The following URB1 variants were observed in gnomAD, a reference collection of about 807,000 sequenced individuals.
URB1 encodes the protein nucleolar pre-ribosomal-associated protein 1.
In URB1, 197 loss-of-function variants were observed where a neutral mutation model predicts 242.3. The observed-to-expected ratio is 0.81, with a 90% CI of 0.72 to 0.91. URB1 has a LOEUF of 0.91. Among genes scored for constraint, URB1 ranks in the 40% least tolerant of loss-of-function variants. The pLI is 0.00. For synonymous variants in URB1, 1,153 were observed against 1,201.8 expected (o/e 0.96, Z 0.84); for missense variants, 2,721 against 2,860.5 (o/e 0.95, Z 1.11).
chr21:32,392,985 A>G lies in URB1; in HGVS notation c.-75T>C, dbSNP rs1367310627. On this transcript the variant is annotated 5_prime_UTR_variant, in exon 1 of 39. Transcript: ENST00000382751. ...GCAGGAGCACTGGCACAGACAGCAGACACGCGCTTCAGGCCCACATGGCGC... is the reference window on the plus strand; with the variant it reads ...GCAGGAGCACTGGCACAGACAGCAGGCACGCGCTTCAGGCCCACATGGCGC... 3.5e-6 allele frequency: 5 copies of G among 1,415,320 alleles called. No homozygotes were observed. The highest frequency in any genetic ancestry group is 1.5e-5 in the African/African-American group (1 of 67,810). 87.7% of individuals were successfully genotyped at this position (1,415,320 alleles called of 1,614,324 possible). A position where few individuals can be genotyped will look rare whatever the true frequency, so the allele number is the denominator to read the frequency against.
In URB1 at chr21:32,314,458, T is replaced by A; in HGVS notation, c.*460A>T. 1 of 1,183,286 alleles carries A rather than the reference T, an allele frequency of 8.5e-7. No homozygotes were observed. Among genetic ancestry groups the A allele is most frequent in the Non-Finnish European group, 1.3e-6 (1 of 795,944 alleles). 73.3% of individuals were successfully genotyped at this position (1,183,286 alleles called of 1,614,324 possible). ...CCTTGGCCTCCCAAAGTGCTGGGAT[T>A]ATAGGCGTGAGCCACCTCACCTGCT... On this transcript the variant is annotated 3_prime_UTR_variant, in exon 39 of 39. Coordinates refer to ENST00000382751, the MANE Select transcript of URB1 (RefSeq NM_014825.3).
chr21:32,329,476 G>C (rs1001176374), intron 30 of URB1, among the ~76,000 whole-genome samples: 1 of 152,206 alleles, frequency 6.6e-6, no homozygotes, highest in African/African-American at 2.4e-5. Context: ...GGGGCTTCCT[G>C]TTCTGGCTGC....
At chr21:32,336,454 C>T (rs1478930286) in intron 28 of URB1, among the ~76,000 whole-genome samples, 1 of 152,114 alleles carries the variant, frequency 6.6e-6, no homozygotes, top group South Asian at 2.1e-4. Context: ...GACTCTAGGG[C>T]AGCAAAGAGG....
At chr21:32,352,561 C>T in intron 19 of URB1, 149 bp downstream of exon 19, 1 of 844,128 alleles carries the variant, frequency 1.2e-6, no homozygotes, top group Non-Finnish European at 1.8e-6. Flanking sequence ...TACTACTTAG[C>T]TTCCTCTCTT....
Position 32,354,948 on chromosome 21 carries a change from G to T in URB1, c.2156C>A (p.Ser719Tyr). Residue 719 changes from serine (S) to tyrosine (Y), a missense_variant, in exon 17 of 39, where the codon TCT becomes TAT. Physicochemically the swap from Ser to Tyr is moderately radical, Grantham distance 144. Coordinates refer to ENST00000382751, the MANE Select transcript of URB1 (RefSeq NM_014825.3). ...CATGCTTGCTTCTTGGACAAAGTCAGATGCTTTGTCTGTGTATGAATAGGG... is the reference window on the plus strand; with the variant it reads ...CATGCTTGCTTCTTGGACAAAGTCATATGCTTTGTCTGTGTATGAATAGGG... ...ANPYSYTDKA[S>Y]DFVQEASMLQ... is the part of the protein sequence containing the mutation. The T allele has an allele frequency of 6.4e-7, 1 of 1,552,288 alleles. No individual in the cohort carries two copies. Among genetic ancestry groups the T allele is most frequent in the Non-Finnish European group, 8.7e-7 (1 of 1,147,132 alleles).
Position 32,362,017 on chromosome 21 carries a change from A to G in URB1, c.1514T>C (p.Leu505Ser), listed in dbSNP as rs947994108. ...CCACACGACAGTGTTCAGGTCTGGC[A>G]AAATCTAAATGGGAAAAAGAAGCAG... ...QLFREALSKI[L>S]PDLNTVVWVW... Residue 505 changes from leucine to serine, a missense_variant, in exon 12 of 39, where the codon TTG becomes TCG. Coordinates refer to ENST00000382751, the MANE Select transcript of URB1 (RefSeq NM_014825.3). The G allele has an allele frequency of 4.3e-5, 67 of 1,551,254 alleles. No individual in the cohort carries two copies. The Admixed American group carries it at 1.3e-3, about 30-fold the overall frequency.
chr21:32,361,423 ACT>A (rs1183957998), intron 12 of URB1, among the ~76,000 whole-genome samples: 3 of 152,132 alleles, frequency 2.0e-5, no homozygotes, highest in African/African-American at 7.2e-5. Flanking sequence ...GGTTCTGGTC[ACT>A]CTGTCTCCCT....
Position 32,320,562 on chromosome 21 carries a change from A to G in URB1, c.5563T>C (p.Leu1855=), listed in dbSNP as rs2032752932. ...AYEIIRDYSL[L]TWILHILESK... ...TCAAGGATGTGTAAAATCCATGTTA[A>G]AAGGCTATAGTCTCGTATGATTTCA... The change falls in exon 35 of 39, where the codon TTA becomes CTA. Residue 1855 remains leucine (L), a synonymous_variant. Coordinates refer to ENST00000382751, the MANE Select transcript of URB1 (RefSeq NM_014825.3). 1 of 1,552,032 alleles carries G rather than the reference A, an allele frequency of 6.4e-7. No homozygotes were observed. The highest frequency in any genetic ancestry group is 8.7e-7 in the Non-Finnish European group (1 of 1,147,056).
intron 38 of URB1, 38 bp downstream of exon 38, chr21:32,316,428 T>C (rs1350165458): frequency 1.4e-6 from 2 of 1,464,406 alleles, no homozygotes; most frequent in Non-Finnish European, 1.8e-6. Flanking sequence ...CACTTCTGCA[T>C]CTATTTCTTC....
In URB1 at chr21:32,311,974, G is replaced by C. The variant is rs748574226; in HGVS notation, c.*2944C>G. 6.2e-7 allele frequency: 1 copy of C among 1,613,402 alleles called. No individual in the cohort carries two copies. The highest frequency in any genetic ancestry group is 8.5e-7 in the Non-Finnish European group (1 of 1,180,044). ...CCCAGCGAGCCTCCCCCTGGAGACA[G>C]GACCTCTCAATTGCAGAGCTGATGT... On this transcript the variant is annotated 3_prime_UTR_variant, in exon 39 of 39. Transcript: ENST00000382751.
intron 26 of URB1, among the ~76,000 whole-genome samples, chr21:32,338,095 A>G (rs1356610109): frequency 1.3e-5 from 2 of 152,182 alleles, no homozygotes; most frequent in Non-Finnish European, 2.9e-5. Flanking sequence ...GCAGTTTATT[A>G]CAGTCTGACC....
At position 32,347,723 on chromosome 21, in the gene URB1, T is replaced by G; in HGVS notation, c.3101A>C (p.His1034Pro). The G allele has an allele frequency of 6.4e-7, 1 of 1,550,592 alleles. No homozygotes were observed. The highest frequency in any genetic ancestry group is 8.7e-7 in the Non-Finnish European group (1 of 1,146,970). ...LALEQQALPP[H>P]TLSPVLVKLL... ...CTTCACGAGGACAGGGCTGAGCGTG[T>G]GCGGCGGGAGGGCCTGCTGCTCCAG... The change falls in exon 22 of 39, where the codon CAC becomes CCC. Residue 1034 changes from histidine to proline, a missense_variant. His to Pro is a moderately conservative substitution (Grantham distance 77). Coordinates refer to ENST00000382751, the MANE Select transcript of URB1 (RefSeq NM_014825.3).
chr21:32,378,321 C>A, intron 5 of URB1, 124 bp downstream of exon 5: 2 of 821,208 alleles, frequency 2.4e-6, no homozygotes, highest in South Asian at 3.3e-5. Flanking sequence ...TGCCCCACAT[C>A]CTTCAATCTG....
At chr21:32,366,391 C>T (rs1230545564) in intron 10 of URB1, among the ~76,000 whole-genome samples, 2 of 152,200 alleles carry the variant, frequency 1.3e-5, no homozygotes, top group Non-Finnish European at 2.9e-5. Flanking sequence ...ACATGAAGTC[C>T]GTTGTCCCTA....
rs766849960 is a variant in URB1, at chr21:32,355,016, A to C, written c.2107-19T>G. 2.6e-6 allele frequency: 4 copies of C among 1,541,556 alleles called. No individual in the cohort carries two copies. The highest frequency in any genetic ancestry group is 3.5e-6 in the Non-Finnish European group (4 of 1,139,606). On this transcript the variant is annotated intron_variant, in intron 16 of 38. Transcript: ENST00000382751. ...ATAAAATCTGGGCATTAAAGAGCCA[A>C]ATAGAAAGCATTCAGATGGTCACAG... is the stretch of plus-strand genomic sequence containing the variant.
At chr21:32,329,793 C>T (rs937513321) in intron 30 of URB1, among the ~76,000 whole-genome samples, 3 of 152,166 alleles carry the variant, frequency 2.0e-5, no homozygotes, top group Admixed American at 6.5e-5. Context: ...CAGATGCCAC[C>T]GCAGGAAGTA....
intron 1 of URB1, among the ~76,000 whole-genome samples, chr21:32,392,075 T>C (rs1329217847): frequency 6.6e-6 from 1 of 152,130 alleles, no homozygotes; most frequent in Non-Finnish European, 1.5e-5. Context: ...TTTTGGCCAT[T>C]AATTTAATCG....
rs1406326395 is a variant in URB1, at chr21:32,333,411, C to T, written c.4866G>A (p.Gln1622=). Residue 1622 remains glutamine (Q), a synonymous_variant, in exon 30 of 39, where the codon CAG becomes CAA. Transcript: ENST00000382751. The part of the protein sequence containing the change: ...NRRLLPPEDT[Q]ELIFKDKSRV... ...TGCTTTTGTCTTTGAATATCAGCTC[C>T]TGTGTGTCCTGAAAGAGCCAAAATC... 1 of 1,551,324 alleles carries T rather than the reference C, an allele frequency of 6.4e-7. No individual in the cohort carries two copies. The highest frequency in any genetic ancestry group is 8.7e-7 in the Non-Finnish European group (1 of 1,146,770).
chr21:32,317,962 C>T, intron 36 of URB1, 45 bp from the exon 37 acceptor site: 1 of 1,546,222 alleles, frequency 6.5e-7, no homozygotes, highest in East Asian at 2.4e-5. Flanking sequence ...GCTGCTGCCC[C>T]TGCCTGGCAG....
Sources: allele counts gnomAD v4.1 joint callset (sites outside exome capture counted in the v4.1 genomes callset), GRCh38; gene constraint gnomAD v4.1.1; transcripts MANE v1.5; gene names NCBI Gene and HGNC (gene_info 2026-07-23, HGNC 2026-07-21).